PALLD: variants seen among roughly 807,000 people sequenced by gnomAD.
The protein encoded by PALLD is palladin.
In PALLD, 61 loss-of-function variants were observed where a neutral mutation model predicts 123.5. That is an observed-to-expected ratio of 0.49 (90% CI 0.40 to 0.61). The LOEUF is 0.61. Ranked by LOEUF, PALLD falls within the 20% of genes least tolerant of loss-of-function variation. The probability of loss-of-function intolerance (pLI) is 0.00; values close to 1 mark genes in which losing one functional copy is unlikely to be tolerated. For synonymous variants in PALLD, 465 were observed against 496.4 expected (o/e 0.94, Z 0.84); for missense variants, 1,273 against 1,377.0 (o/e 0.92, Z 1.20).
chr4:168,919,370 A>G (rs1167966935), intron 17 of PALLD, among the ~76,000 whole-genome samples: 1 of 151,968 alleles, frequency 6.6e-6, no homozygotes, highest in East Asian at 1.9e-4. Context: ...CTAAAATACA[A>G]AAAAATCAGC....
Position 168,696,990 on chromosome 4 carries a change from C to A in PALLD, c.1501+5698C>A, listed in dbSNP as rs145994761. Among the ~76,000 whole-genome samples the A allele has an allele frequency of 5.9e-3, 905 of 152,132 alleles. 11 individuals carry two copies. Among genetic ancestry groups the A allele is most frequent in the African/African-American group, 0.02 (831 of 41,478 alleles). ...TGATTGCACAACATATGGAATAAAC[C>A]CAGACCCAGGCACGTCATCATGAAA... On this transcript the variant is annotated intron_variant, in intron 8 of 21. Transcript: ENST00000505667.
chr4:168,891,682 TAAA>T (rs5863966), intron 11 of PALLD, among the ~76,000 whole-genome samples: 19 of 142,756 alleles, frequency 1.3e-4, no homozygotes, highest in Admixed American at 2.8e-4. Context: ...CCAATGGTAT[TAAA>T]AAAAAAAAAA....
chr4:168,889,262 C>G (rs777926494), intron 10 of PALLD, among the ~76,000 whole-genome samples: 1 of 150,056 alleles, frequency 6.7e-6, no homozygotes, highest in Non-Finnish European at 1.5e-5. Flanking sequence ...CTCCAGTGTT[C>G]AAGCAATTCT....
At chr4:168,743,570 A>C (rs1310270144) in intron 10 of PALLD, among the ~76,000 whole-genome samples, 1 of 152,182 alleles carries the variant, frequency 6.6e-6, no homozygotes, top group Non-Finnish European at 1.5e-5. Context: ...ATTCCTACTA[A>C]GTGAGCAGTA....
At chr4:168,636,074 A>T (rs1049593916) in intron 2 of PALLD, among the ~76,000 whole-genome samples, 3 of 152,186 alleles carry the variant, frequency 2.0e-5, no homozygotes, top group African/African-American at 7.2e-5. Context: ...ATTTGGAAGC[A>T]GGTAGGGCAG....
In PALLD at chr4:168,747,669, C is replaced by T. The variant is rs772062110; in HGVS notation, c.1964+35746C>T. Among the ~76,000 whole-genome samples the T allele has an allele frequency of 7.9e-4, 120 of 152,168 alleles. 1 individual carries two copies. The highest frequency in any genetic ancestry group is 3.5e-3 in the Admixed American group (53 of 15,274). Reference sequence around the variant, plus strand: ...ATATGGAGTTGGGGGACCTGCCAGTCACCTTGTCAGTTCACTTCATTTTAT... The same window carrying T: ...ATATGGAGTTGGGGGACCTGCCAGTTACCTTGTCAGTTCACTTCATTTTAT... On this transcript the variant is annotated intron_variant, in intron 10 of 21. Coordinates refer to ENST00000505667, the MANE Select transcript of PALLD (RefSeq NM_001166108.2).
At position 168,711,641 on chromosome 4, in the gene PALLD, A is replaced by G. The variant is rs757071884; in HGVS notation, c.1682A>G (p.His561Arg). Residue 561 changes from histidine to arginine, a missense_variant, in exon 10 of 22, where the codon CAC becomes CGC. His to Arg is a conservative substitution (Grantham distance 29). Around this residue, in one of 2 missense-constraint regions of PALLD, gnomAD observed 944 missense variants for 954.5 expected, o/e 0.99. Transcript: ENST00000505667. The part of the protein sequence containing the change: ...MGESNNDHFQ[H>R]FPPPPPILET... Reference sequence around the variant, plus strand: ...GAATCCAACAATGACCACTTCCAACACTTTCCACCTCCCCCTCCAATCTTG... The same window carrying G: ...GAATCCAACAATGACCACTTCCAACGCTTTCCACCTCCCCCTCCAATCTTG... 1.9e-6 allele frequency: 3 copies of G among 1,614,120 alleles called. No homozygotes were observed. Among genetic ancestry groups the G allele is most frequent in the East Asian group, 2.2e-5 (1 of 44,888 alleles).
intron 2 of PALLD, among the ~76,000 whole-genome samples, chr4:168,601,277 T>G (rs1383035452): frequency 4.6e-5 from 7 of 152,206 alleles, no homozygotes; most frequent in Non-Finnish European, 1.5e-5. Context: ...GAACAGCTTG[T>G]GCACAAATGG....
intron 3 of PALLD, among the ~76,000 whole-genome samples, chr4:168,673,338 G>A (rs570934602): frequency 3.3e-4 from 50 of 152,322 alleles, no homozygotes; most frequent in Non-Finnish European, 4.7e-4. Flanking sequence ...TCTCCGATAG[G>A]AGCCTGAGAA....
chr4:168,530,026 C>T (rs554449228), intron 2 of PALLD, among the ~76,000 whole-genome samples: 1 of 152,314 alleles, frequency 6.6e-6, no homozygotes, highest in East Asian at 1.9e-4. Flanking sequence ...TTCATTATTA[C>T]TATGGCCCTC....
intron 1 of PALLD, among the ~76,000 whole-genome samples, chr4:168,506,630 C>T (rs575439995): frequency 1.1e-4 from 17 of 152,304 alleles, no homozygotes; most frequent in Non-Finnish European, 1.6e-4. Flanking sequence ...CATGTTACAG[C>T]GCTCTATCCT....
chr4:168,570,838 C>T (rs1768905336), intron 2 of PALLD, among the ~76,000 whole-genome samples: 1 of 152,096 alleles, frequency 6.6e-6, no homozygotes, highest in Admixed American at 6.6e-5. Context: ...TGGTTAATTC[C>T]TGAATATTGA....
chr4:168,704,890 T>G (rs2150177209), intron 8 of PALLD, among the ~76,000 whole-genome samples: 1 of 152,152 alleles, frequency 6.6e-6, no homozygotes, highest in African/African-American at 2.4e-5. Context: ...GATTATAGGA[T>G]CATTATAGTA....
intron 3 of PALLD, among the ~76,000 whole-genome samples, chr4:168,678,863 T>A (rs937470231): frequency 2.9e-5 from 4 of 136,028 alleles, no homozygotes. Flanking sequence ...TGGTGTGTCG[T>A]GTGGGTGTGG....
Position 168,755,187 on chromosome 4 carries a change from T to C in PALLD, c.1964+43264T>C, listed in dbSNP as rs112806925. ...GGCGGAGCTTGCGGTGAGCCGAGAT[T>C]GCACCACTGCACTCCAGCCTGGGCG... On this transcript the variant is annotated intron_variant, in intron 10 of 21. Transcript: ENST00000505667. Among the ~76,000 whole-genome samples the C allele has an allele frequency of 2.8e-3, 421 of 147,986 alleles. 1 individual carries two copies. The highest frequency in any genetic ancestry group is 9.3e-3 in the African/African-American group (368 of 39,762).
At chr4:168,556,374 T>C (rs1039868125) in intron 2 of PALLD, among the ~76,000 whole-genome samples, 3 of 152,102 alleles carry the variant, frequency 2.0e-5, no homozygotes, top group African/African-American at 4.8e-5. Context: ...GGATTACAGG[T>C]GTAAGCCACG....
intron 2 of PALLD, among the ~76,000 whole-genome samples, chr4:168,606,663 CAAAAAA>C (rs70961540): frequency 1.1e-5 from 1 of 92,116 alleles, no homozygotes. Context: ...GACTCCGTCT[CAAAAAA>C]AAAAAAAAAA....
intron 10 of PALLD, among the ~76,000 whole-genome samples, chr4:168,826,429 C>G (rs1743429902): frequency 6.6e-6 from 1 of 152,150 alleles, no homozygotes; most frequent in South Asian, 2.1e-4. Flanking sequence ...TAAGGATTTA[C>G]ATCTCCGCTC....
At chr4:168,507,439 G>A (rs766042641) in intron 1 of PALLD, 3 of 186,484 alleles carry the variant, frequency 1.6e-5, no homozygotes, top group Non-Finnish European at 2.3e-5. Flanking sequence ...GTCTCCAAGC[G>A]GCTGGGAAAG....
Sources: allele counts gnomAD v4.1 joint callset (sites outside exome capture counted in the v4.1 genomes callset), GRCh38; gene constraint gnomAD v4.1.1; regional missense constraint gnomAD v4.1.1; transcripts MANE v1.5; gene names NCBI Gene and HGNC (gene_info 2026-07-23, HGNC 2026-07-21).